The following EIPR1 variants were observed in gnomAD, a reference collection of about 807,000 sequenced individuals.
EIPR1 encodes EARP complex and GARP complex interacting protein 1.
EIPR1 carries 25 observed loss-of-function variants against 48.1 expected under a neutral mutation model. That is an observed-to-expected ratio of 0.52 (90% confidence interval 0.38 to 0.73). The LOEUF is 0.73. Ranked by LOEUF, EIPR1 falls within the 30% of genes least tolerant of loss-of-function variation. EIPR1 has a pLI of 0.00. For missense variants in EIPR1, 415 were observed against 506.2 expected (o/e 0.82, Z 1.73); for synonymous variants, 204 against 201.9 (o/e 1.01, Z -0.09).
intron 3 of EIPR1, among the ~76,000 whole-genome samples, chr2:3,297,682 C>T (rs1445473325): frequency 5.9e-5 from 9 of 152,228 alleles, no homozygotes; most frequent in Non-Finnish European, 1.2e-4. Flanking sequence ...CAAAATCAGC[C>T]ACAGACATTA....
At chr2:3,215,606 T>C (rs1360593742) in intron 4 of EIPR1, among the ~76,000 whole-genome samples, 1 of 152,280 alleles carries the variant, frequency 6.6e-6, no homozygotes, top group Non-Finnish European at 1.5e-5. Flanking sequence ...GGTGAAATTC[T>C]TAAATGCTTA....
intron 5 of EIPR1, among the ~76,000 whole-genome samples, chr2:3,203,822 G>A (rs933077253): frequency 6.6e-6 from 1 of 152,260 alleles, no homozygotes; most frequent in African/African-American, 2.4e-5. Context: ...CACACGGCCA[G>A]GAGCTGAGGG....
chr2:3,225,212 A>G (rs1666021111), intron 4 of EIPR1, among the ~76,000 whole-genome samples: 2 of 142,238 alleles, frequency 1.4e-5, no homozygotes, highest in Non-Finnish European at 3.1e-5. Flanking sequence ...TTTAGGTAGT[A>G]CACTGTGATA....
At chr2:3,225,608 T>C (rs1666038809) in intron 4 of EIPR1, among the ~76,000 whole-genome samples, 1 of 152,144 alleles carries the variant, frequency 6.6e-6, no homozygotes, top group Non-Finnish European at 1.5e-5. Flanking sequence ...ACTAATAACA[T>C]ATCCATCAAC....
chr2:3,261,513 C>T (rs1238146690), intron 3 of EIPR1, among the ~76,000 whole-genome samples: 1 of 152,156 alleles, frequency 6.6e-6, no homozygotes, highest in Non-Finnish European at 1.5e-5. Flanking sequence ...AATGATTACC[C>T]TAGTCTGTAC....
intron 2 of EIPR1, among the ~76,000 whole-genome samples, chr2:3,345,726 G>GA (rs565648767): frequency 6.6e-6 from 1 of 152,044 alleles, no homozygotes; most frequent in Admixed American, 6.6e-5. Flanking sequence ...AAATAAAAAA[G>GA]AAAGTGCACA....
intron 3 of EIPR1, among the ~76,000 whole-genome samples, chr2:3,285,602 A>T (rs1181446918): frequency 2.0e-5 from 3 of 152,244 alleles, no homozygotes; most frequent in Non-Finnish European, 4.4e-5. Context: ...GCACTGGTGG[A>T]GCCTCAGCTT....
At chr2:3,240,857 G>C (rs1666592950) in intron 4 of EIPR1, among the ~76,000 whole-genome samples, 1 of 138,516 alleles carries the variant, frequency 7.2e-6, no homozygotes, top group East Asian at 2.3e-4. Flanking sequence ...AAAGCCAGCA[G>C]ATCCCTCCTA....
rs748184655 is a variant in EIPR1 at position 3,354,508 on chromosome 2, G to A, written c.126+42C>T. ...CAAAATGGTTATAAAACTAAGAATA[G>A]GCTTAGTAATTATCATGTATACATT... On this transcript the variant is annotated intron_variant, in intron 2 of 8. Transcript: ENST00000382125. The A allele has an allele frequency of 1.9e-6, 3 of 1,554,076 alleles. No individual in the cohort carries two copies. In the African/African-American group the frequency reaches 4.1e-5, roughly 21 times the overall value.
At chr2:3,206,958 C>T (rs897136203) in intron 5 of EIPR1, among the ~76,000 whole-genome samples, 19 of 152,152 alleles carry the variant, frequency 1.2e-4, no homozygotes, top group African/African-American at 3.9e-4. Context: ...AATGATCATT[C>T]GCTGGCTTTG....
intron 2 of EIPR1, among the ~76,000 whole-genome samples, chr2:3,339,960 A>G (rs1670185165): frequency 6.6e-6 from 1 of 152,152 alleles, no homozygotes; most frequent in African/African-American, 2.4e-5. Flanking sequence ...AACAACAACA[A>G]AAAAACTTTG....
At chr2:3,227,721 G>A (rs1572327900) in intron 4 of EIPR1, among the ~76,000 whole-genome samples, 1 of 152,238 alleles carries the variant, frequency 6.6e-6, no homozygotes, top group African/African-American at 2.4e-5. Context: ...CACAGGCCAG[G>A]CCTACGGCCC....
chr2:3,321,168 T>C (rs1202859103), intron 3 of EIPR1, among the ~76,000 whole-genome samples: 1 of 152,116 alleles, frequency 6.6e-6, no homozygotes, highest in Non-Finnish European at 1.5e-5. Flanking sequence ...TCCCTGGAGA[T>C]CATGTCTTGA....
At chr2:3,243,700 A>G (rs1186782240) in intron 4 of EIPR1, among the ~76,000 whole-genome samples, 1 of 152,106 alleles carries the variant, frequency 6.6e-6, no homozygotes, top group Admixed American at 6.6e-5. Context: ...CACAAGCAAA[A>G]CCAGGACCAT....
At chr2:3,247,687 C>G (rs981251783) in intron 4 of EIPR1, among the ~76,000 whole-genome samples, 2 of 152,138 alleles carry the variant, frequency 1.3e-5, no homozygotes, top group Non-Finnish European at 2.9e-5. Context: ...AATATGTACA[C>G]TCTACATATT....
intron 4 of EIPR1, among the ~76,000 whole-genome samples, 154 bp downstream of exon 4, chr2:3,257,145 G>A (rs1667182137): frequency 6.6e-6 from 1 of 152,122 alleles, no homozygotes; most frequent in Non-Finnish European, 1.5e-5. Flanking sequence ...AAAACACAGG[G>A]ACTAAAATTA....
intron 4 of EIPR1, among the ~76,000 whole-genome samples, chr2:3,245,205 G>GTTGCA (rs1298817935): frequency 1.1e-5 from 1 of 87,620 alleles, no homozygotes; most frequent in Non-Finnish European, 2.3e-5. Context: ...GTTGCGTTGC[G>GTTGCA]TTGCATTGCA....
chr2:3,296,917 C>T (rs985478674), intron 3 of EIPR1, among the ~76,000 whole-genome samples: 1 of 152,256 alleles, frequency 6.6e-6, no homozygotes, highest in Non-Finnish European at 1.5e-5. Flanking sequence ...AGGACCAAGT[C>T]TCTCCGAGTC....
chr2:3,199,041 C>A, intron 5 of EIPR1, among the ~76,000 whole-genome samples: 1 of 92,248 alleles, frequency 1.1e-5, no homozygotes, highest in African/African-American at 4.0e-5. Context: ...CAGACACCCC[C>A]AGAGTGGCCA....
Sources: allele counts gnomAD v4.1 joint callset (sites outside exome capture counted in the v4.1 genomes callset), GRCh38; gene constraint gnomAD v4.1.1; transcripts MANE v1.5; gene names NCBI Gene and HGNC (gene_info 2026-07-23, HGNC 2026-07-21).